The following ICE1 variants were observed in gnomAD, a reference collection of about 807,000 sequenced individuals.
The protein encoded by ICE1 is little elongation complex subunit 1.
In ICE1, 64 loss-of-function variants were observed where a neutral mutation model predicts 192.7. That is an observed-to-expected ratio of 0.33 (90% CI 0.27 to 0.41). The LOEUF (loss-of-function observed/expected upper bound fraction) is 0.41, where lower values mean the gene tolerates loss of function less well. Ranked by LOEUF, ICE1 falls within the 10% of genes least tolerant of loss-of-function variation. The probability of loss-of-function intolerance (pLI) is 1.00; values close to 1 mark genes in which losing one functional copy is unlikely to be tolerated. For missense variants in ICE1, 2,708 were observed against 2,696.0 expected (o/e 1.00, Z -0.10); for synonymous variants, 1,010 against 984.5 (o/e 1.03, Z -0.49).
intron 17 of ICE1, 108 bp downstream of exon 17, chr5:5,476,187 T>C: frequency 1.7e-6 from 1 of 596,416 alleles, no homozygotes. Context: ...ATTTCTGATT[T>C]TACAACCATC....
chr5:5,460,312 CT>C, intron 12 of ICE1, 123 bp from the exon 13 acceptor site: 1 of 717,510 alleles, frequency 1.4e-6, no homozygotes, highest in Middle Eastern at 4.1e-4. Context: ...TAGCCTGCCC[CT>C]GCTCAAACGT....
intron 3 of ICE1, among the ~76,000 whole-genome samples, chr5:5,438,925 G>T (rs545704617): frequency 1.1e-4 from 16 of 152,140 alleles, no homozygotes; most frequent in Admixed American, 2.0e-4. Context: ...CCTCAAATAT[G>T]CAGTTGTTTG....
At chr5:5,440,252 GTTACT>G (rs1320588739) in intron 4 of ICE1, among the ~76,000 whole-genome samples, 1 of 152,106 alleles carries the variant, frequency 6.6e-6, no homozygotes, top group African/African-American at 2.4e-5. Context: ...TTTATCTTCT[GTTACT>G]TTAAACAGTT....
At position 5,464,430 on chromosome 5, in the gene ICE1, C is replaced by T. The variant is rs1203871308; in HGVS notation, c.5096C>T (p.Ser1699Phe). Residue 1699 changes from serine to phenylalanine, a missense_variant, in exon 13 of 19, where the codon TCT (serine) becomes TTT (phenylalanine). Ser to Phe is a radical substitution (Grantham distance 155). Around this residue, in one of 2 missense-constraint regions of ICE1, gnomAD observed 2,366 missense variants for 2,276.6 expected, o/e 1.04. Transcript: ENST00000296564. The surrounding 1 kb of genome is among the most constrained non-coding windows in gnomAD (Gnocchi z 4.0). Reference protein sequence around the residue: ...RRASPPDPSPSPSAASASERV... With the variant: ...RRASPPDPSPFPSAASASERV... ...GCCTCTCCTCCAGATCCTTCTCCAT[C>T]TCCATCTGCAGCTTCAGCCAGTGAG... The T allele has an allele frequency of 1.9e-6, 3 of 1,613,956 alleles. No homozygotes were observed. The highest frequency in any genetic ancestry group is 1.7e-5 in the Admixed American group (1 of 60,014).
rs185726439 is a variant in ICE1, at chr5:5,455,534, T to G, written c.691+896T>G. Among the ~76,000 whole-genome samples the G allele has an allele frequency of 2.6e-4, 39 of 152,338 alleles. 1 individual carries two copies. Among genetic ancestry groups the G allele is most frequent in the African/African-American group, 8.4e-4 (35 of 41,582 alleles). On this transcript the variant is annotated intron_variant, in intron 11 of 18. Transcript: ENST00000296564. The stretch of plus-strand genomic sequence containing the variant: ...TCTATTTTAAGCATTTGATTTTATG[T>G]TGTCAAGCTGTTATTAAAAGAGCTG...
chr5:5,489,531 G>A lies in ICE1; in HGVS notation c.*201G>A, dbSNP rs1378531491. The A allele has an allele frequency of 4.0e-6, 2 of 494,402 alleles. No individual in the cohort carries two copies. The highest frequency in any genetic ancestry group is 6.5e-5 in the East Asian group (2 of 30,684). The allele number at this position is 494,402 out of a possible 1,614,324, so 30.6% of individuals were successfully genotyped here. Reference sequence around the variant, plus strand: ...AGTCGTTTTTCCCTAAATCTAATACGTTTCACTTAAGGCTGTTGTGATCTG... The same window carrying A: ...AGTCGTTTTTCCCTAAATCTAATACATTTCACTTAAGGCTGTTGTGATCTG... On this transcript the variant is annotated 3_prime_UTR_variant, in exon 19 of 19. Coordinates refer to ENST00000296564, the MANE Select transcript of ICE1 (RefSeq NM_015325.3).
At chr5:5,459,262 A>G (rs1197983827) in intron 12 of ICE1, among the ~76,000 whole-genome samples, 2 of 152,236 alleles carry the variant, frequency 1.3e-5, no homozygotes, top group Non-Finnish European at 2.9e-5. Context: ...TATGAGGTCA[A>G]ATGAGCAGCA....
chr5:5,430,105 T>C (rs1475314468), intron 1 of ICE1, among the ~76,000 whole-genome samples: 2 of 152,198 alleles, frequency 1.3e-5, no homozygotes, highest in Non-Finnish European at 2.9e-5. Flanking sequence ...CAACCCTTAG[T>C]ATCTCCTGGA....
chr5:5,486,591 A>G lies in ICE1; in HGVS notation c.6521-130A>G, dbSNP rs1561102945. On this transcript the variant is annotated intron_variant, in intron 17 of 18. Transcript: ENST00000296564. ...AGCAACACATTGTATATCATCTGGTATAGGTGATTGCAAGACGAAATGATG... is the reference window on the plus strand; with the variant it reads ...AGCAACACATTGTATATCATCTGGTGTAGGTGATTGCAAGACGAAATGATG... 6.7e-5 allele frequency: 43 copies of G among 640,636 alleles called. 1 individual carries two copies. The South Asian group carries it at 8.0e-4, about 12-fold the overall frequency. The allele number at this position is 640,636 out of a possible 1,614,324, so 39.7% of individuals were successfully genotyped here.
At chr5:5,453,305 T>C (rs767411795) in intron 10 of ICE1, among the ~76,000 whole-genome samples, 3 of 151,868 alleles carry the variant, frequency 2.0e-5, no homozygotes, top group Non-Finnish European at 4.4e-5. Context: ...AATCAGAAGG[T>C]TGTTTTGGCT....
intron 10 of ICE1, among the ~76,000 whole-genome samples, chr5:5,451,890 T>C (rs1168564680): frequency 1.3e-5 from 2 of 152,158 alleles, no homozygotes; most frequent in Admixed American, 6.5e-5. Context: ...TTCAGGACTC[T>C]TGTGTTGTTA....
chr5:5,481,094 C>T (rs546504230), intron 17 of ICE1, among the ~76,000 whole-genome samples: 1 of 152,252 alleles, frequency 6.6e-6, no homozygotes, highest in East Asian at 1.9e-4. Flanking sequence ...ATGCTGATTT[C>T]AGTAGCAGCT....
At chr5:5,444,439 C>T (rs1332606644) in intron 7 of ICE1, 113 bp downstream of exon 7, 18 of 725,100 alleles carry the variant, frequency 2.5e-5, no homozygotes, top group Non-Finnish European at 4.0e-5. Flanking sequence ...TTTGATGGTA[C>T]ATCCATGGAT....
chr5:5,439,637 A>G (rs974631593), intron 3 of ICE1, among the ~76,000 whole-genome samples: 1 of 152,178 alleles, frequency 6.6e-6, no homozygotes, highest in Non-Finnish European at 1.5e-5. Context: ...AATTCTGATC[A>G]TACATTTATT....
chr5:5,437,285 T>A (rs1737896526), intron 3 of ICE1, 171 bp downstream of exon 3: 1 of 505,070 alleles, frequency 2.0e-6, no homozygotes, highest in Non-Finnish European at 3.5e-6. Flanking sequence ...TTATTCTTAA[T>A]CCATGTTTAA....
At chr5:5,441,302 G>A in intron 5 of ICE1, 79 bp downstream of exon 5, 2 of 871,088 alleles carry the variant, frequency 2.3e-6, no homozygotes, top group Non-Finnish European at 3.7e-6. Context: ...GGACGAGGGG[G>A]CTTTTGATGT....
In ICE1 at chr5:5,461,258, G is replaced by C. The variant is rs1738766777; in HGVS notation, c.1924G>C (p.Gly642Arg). The C allele has an allele frequency of 6.2e-7, 1 of 1,613,800 alleles. No homozygotes were observed. The highest frequency in any genetic ancestry group is 8.5e-7 in the Non-Finnish European group (1 of 1,179,884). Residue 642 changes from glycine (G) to arginine (R), a missense_variant, in exon 13 of 19, where the codon GGC (glycine) becomes CGC (arginine). Transcript: ENST00000296564. ...SSSTLVALSV[G>R]SNPQSSSGLD... ...TTCTACCTTGGTAGCATTGTCTGTT[G>C]GCAGTAATCCCCAGTCTTCTTCTGG...
chr5:5,443,127 C>G (rs1397027658), intron 5 of ICE1, 41 bp from the exon 6 acceptor site: 1 of 1,173,858 alleles, frequency 8.5e-7, no homozygotes, highest in East Asian at 2.7e-5. Context: ...TGGTCAGTGA[C>G]TTTCATTTTG....
chr5:5,480,676 G>C (rs1020713858), intron 17 of ICE1, among the ~76,000 whole-genome samples: 2 of 152,058 alleles, frequency 1.3e-5, no homozygotes, highest in Non-Finnish European at 1.5e-5. Context: ...TTACTGTATC[G>C]GCAAATTTGC....
Sources: gnomAD v4.1 joint callset for allele counts (sites outside exome capture counted in the v4.1 genomes callset) on GRCh38, gnomAD v4.1.1 for gene constraint, gnomAD v4.1.1 regional missense constraint, Gnocchi (gnomAD v3.1) non-coding constraint, MANE v1.5 for transcripts, NCBI Gene and HGNC (gene_info 2026-07-23, HGNC 2026-07-21) for gene names.